The following LRPAP1 variants were observed in gnomAD, a reference collection of about 807,000 sequenced individuals.
The protein encoded by LRPAP1 is LDL receptor related protein associated protein 1.
A neutral mutation model predicts 39.9 loss-of-function variants in LRPAP1; 41 were observed. The observed-to-expected ratio is 1.03, with a 90% CI of 0.80 to 1.33. The LOEUF (loss-of-function observed/expected upper bound fraction) is 1.33, where lower values mean the gene tolerates loss of function less well. Among genes scored for constraint, LRPAP1 ranks in the 40% most tolerant of loss-of-function variants. The pLI is 0.00. For missense variants in LRPAP1, 565 were observed against 482.3 expected, an observed-to-expected ratio of 1.17 and a Z score of -1.61; for synonymous variants, 263 against 212.7, an observed-to-expected ratio of 1.24 and a Z score of -2.06.
rs532354026 is a variant in LRPAP1, at chr4:3,509,202, A to T, written c.*3772T>A. The T allele has an allele frequency of 6.6e-6, 1 of 152,290 alleles. No individual in the cohort carries two copies. Among genetic ancestry groups the T allele is most frequent in the African/African-American group, 2.4e-5 (1 of 41,464 alleles). 9.4% of individuals were successfully genotyped at this position (152,290 alleles called of 1,614,324 possible). A position where few individuals can be genotyped will look rare whatever the true frequency, so the allele number is the denominator to read the frequency against. ...CTCAATACCTGGAGTCATACATGGC[A>T]GTCAACGCATGGACACCGGAGACTG... On this transcript the variant is annotated 3_prime_UTR_variant, in exon 8 of 8. Transcript: ENST00000650182.
intron 4 of LRPAP1, 133 bp downstream of exon 4, chr4:3,518,738 G>A (rs1314326499): frequency 9.8e-6 from 6 of 611,566 alleles, no homozygotes; most frequent in Non-Finnish European, 2.8e-6. Context: ...GTCTGGTGCC[G>A]CCTCCCTGCC....
In LRPAP1 at chr4:3,518,911, G is replaced by T. The variant is rs149133766; in HGVS notation, c.552C>A (p.His184Gln). Reference sequence around the variant, plus strand: ...GGGTCTCCAGCAGGACGTTGTACTCGTGAACTTTCTCTTTGTGATGCAGGA... The same window carrying T: ...GGGTCTCCAGCAGGACGTTGTACTCTTGAACTTTCTCTTTGTGATGCAGGA... Reference protein sequence around the residue: ...REFLHHKEKVHEYNVLLETLS... With the variant: ...REFLHHKEKVQEYNVLLETLS... The change falls in exon 4 of 8, where the codon CAC becomes CAA. Residue 184 changes from histidine (H) to glutamine (Q), a missense_variant. By Grantham distance (24) the His-to-Gln change is conservative (BLOSUM62 0). Coordinates refer to ENST00000650182, the MANE Select transcript of LRPAP1 (RefSeq NM_002337.4). The T allele has an allele frequency of 1.1e-4, 179 of 1,613,652 alleles. No individual in the cohort carries two copies. In the East Asian group the frequency reaches 3.9e-3, roughly 35 times the overall value.
chr4:3,514,389 G>A (rs1223545832), intron 7 of LRPAP1, among the ~76,000 whole-genome samples: 1 of 151,986 alleles, frequency 6.6e-6, no homozygotes, highest in African/African-American at 2.4e-5. Flanking sequence ...CACATCCCAG[G>A]GGCTGTGGGG....
intron 1 of LRPAP1, among the ~76,000 whole-genome samples, chr4:3,525,763 TG>T (rs1380422668): frequency 6.6e-6 from 1 of 151,662 alleles, no homozygotes; most frequent in Non-Finnish European, 1.5e-5. Flanking sequence ...TCTGGGACCC[TG>T]GGTGAGAGAA....
At chr4:3,531,900 G>C in intron 1 of LRPAP1, 1 of 480,146 alleles carries the variant, frequency 2.1e-6, no homozygotes, top group East Asian at 3.9e-5. Flanking sequence ...CTGTGATCTA[G>C]CCTGGTTCTG....
intron 6 of LRPAP1, chr4:3,515,906 C>T: frequency 1.7e-6 from 1 of 597,276 alleles, no homozygotes; most frequent in South Asian, 2.0e-5. Flanking sequence ...CAAAGCCCCT[C>T]CCTCCAGAGC....
intron 1 of LRPAP1, among the ~76,000 whole-genome samples, chr4:3,525,302 G>A (rs928106990): frequency 4.8e-4 from 73 of 152,232 alleles, no homozygotes; most frequent in African/African-American, 1.6e-3. Context: ...CACCAGCAGC[G>A]GCTGCTCATT....
intron 2 of LRPAP1, among the ~76,000 whole-genome samples, chr4:3,521,675 T>C (rs1321796513): frequency 6.6e-6 from 1 of 152,194 alleles, no homozygotes; most frequent in East Asian, 1.9e-4. Context: ...GCGCTTGTGA[T>C]CTTCCTAAGC....
At position 3,511,365 on chromosome 4, in the gene LRPAP1, A is replaced by C. The variant is rs1729505244; in HGVS notation, c.*1609T>G. 6.6e-6 allele frequency: 1 copy of C among 152,192 alleles called. No homozygotes were observed. 9.4% of individuals were successfully genotyped at this position (152,192 alleles called of 1,614,324 possible). Reference sequence around the variant, plus strand: ...AAATCAGAGCACAGGACAGTCATGCAATGGAATACTATACAGCAATGAAAA... The same window carrying C: ...AAATCAGAGCACAGGACAGTCATGCCATGGAATACTATACAGCAATGAAAA... On this transcript the variant is annotated 3_prime_UTR_variant, in exon 8 of 8. Coordinates refer to ENST00000650182, the MANE Select transcript of LRPAP1 (RefSeq NM_002337.4).
chr4:3,529,941 G>C (rs1730199007), intron 1 of LRPAP1, among the ~76,000 whole-genome samples: 1 of 152,224 alleles, frequency 6.6e-6, no homozygotes, highest in Non-Finnish European at 1.5e-5. Flanking sequence ...GCAGGTCGCA[G>C]GAGGCTGAGA....
chr4:3,532,367 G>A lies in LRPAP1; in HGVS notation c.46C>T (p.Leu16=). Residue 16 remains leucine (L), a synonymous_variant, in exon 1 of 8, where the codon CTG becomes TTG. Coordinates refer to ENST00000650182, the MANE Select transcript of LRPAP1 (RefSeq NM_002337.4). ...CCGAGGAAGAGCAGCAGCAGTAGCA[G>A]CGCCGGGAGCCCGCGCAGAAACGAC... ...VRSFLRGLPA[L]LLLLLFLGPW... The A allele has an allele frequency of 1.9e-6, 3 of 1,593,428 alleles. No individual in the cohort carries two copies. The highest frequency in any genetic ancestry group is 2.6e-6 in the Non-Finnish European group (3 of 1,170,504).
intron 4 of LRPAP1, 29 bp from the exon 5 acceptor site, chr4:3,518,221 G>A (rs1436150599): frequency 1.3e-6 from 2 of 1,595,644 alleles, no homozygotes; most frequent in Non-Finnish European, 1.7e-6. Flanking sequence ...GACGCCATGA[G>A]GCTGGGAGTC....
chr4:3,516,159 G>T lies in LRPAP1; in HGVS notation c.791C>A (p.Ala264Glu). 1 of 1,582,522 alleles carries T rather than the reference G, an allele frequency of 6.3e-7. No individual in the cohort carries two copies. Residue 264 changes from alanine to glutamate, a missense_variant, in exon 6 of 8, where the codon GCG becomes GAG. By Grantham distance (107) the Ala-to-Glu change is moderately radical (BLOSUM62 -1). Coordinates refer to ENST00000650182, the MANE Select transcript of LRPAP1 (RefSeq NM_002337.4). Reference sequence around the variant, plus strand: ...CTTGTCCGTGAGGTTGGCGGACTGCGCCAGGTCCCACAGGTCAATCACCCT... The same window carrying T: ...CTTGTCCGTGAGGTTGGCGGACTGCTCCAGGTCCCACAGGTCAATCACCCT... The part of the protein sequence containing the change: ...EPRVIDLWDL[A>E]QSANLTDKEL...
At chr4:3,527,484 C>G (rs1024467697) in intron 1 of LRPAP1, among the ~76,000 whole-genome samples, 2 of 152,228 alleles carry the variant, frequency 1.3e-5, no homozygotes, top group African/African-American at 4.8e-5. Flanking sequence ...CCTGGAGGAA[C>G]AGGTCTGCTT....
At chr4:3,520,291 C>G (rs1337848267) in intron 2 of LRPAP1, 98 bp from the exon 3 acceptor site, 13 of 1,314,218 alleles carry the variant, frequency 9.9e-6, no homozygotes, top group South Asian at 4.0e-5. Context: ...ACAGGTTTGC[C>G]TCTCATTTTC....
intron 1 of LRPAP1, 176 bp downstream of exon 1, chr4:3,532,033 G>A (rs1730783): frequency 0.14 from 96,850 of 691,926 alleles, 8,347 homozygotes; most frequent in East Asian, 0.32. Flanking sequence ...TGCTGCAGAA[G>A]GGGTCGGGGC....
At position 3,507,394 on chromosome 4, in the gene LRPAP1, T is replaced by C. The variant is rs767884255; in HGVS notation, c.*5580A>G. 1.3e-5 allele frequency: 2 copies of C among 152,240 alleles called. No individual in the cohort carries two copies. Among genetic ancestry groups the C allele is most frequent in the Non-Finnish European group, 2.9e-5 (2 of 68,048 alleles). The allele number at this position is 152,240 out of a possible 1,614,324, so 9.4% of individuals were successfully genotyped here. A position where few individuals can be genotyped will look rare whatever the true frequency, so the allele number is the denominator to read the frequency against. ...CGAAAACAAAAGAATCAAATGGATT[T>C]AATTGTCTTTTTGTTACTGATTTCC... On this transcript the variant is annotated 3_prime_UTR_variant, in exon 8 of 8. Coordinates refer to ENST00000650182, the MANE Select transcript of LRPAP1 (RefSeq NM_002337.4).
intron 1 of LRPAP1, among the ~76,000 whole-genome samples, chr4:3,527,590 A>G (rs1479120280): frequency 6.6e-6 from 1 of 152,186 alleles, no homozygotes; most frequent in African/African-American, 2.4e-5. Flanking sequence ...GCCCACAGTG[A>G]TGGTCTGAGC....
In LRPAP1 at chr4:3,512,886, C is replaced by T. The variant is rs55683554; in HGVS notation, c.*88G>A. 2.3e-3 allele frequency: 2,826 copies of T among 1,211,486 alleles called. 40 individuals carry two copies. The African/African-American group carries it at 0.034, about 15-fold the overall frequency. The allele number at this position is 1,211,486 out of a possible 1,614,324, so 75.0% of individuals were successfully genotyped here. ...CCCGTGCCAGCCCCAGCCACCCTGA[C>T]GGCGGGCTGTCCACGGAAATGCCAC... is the stretch of plus-strand genomic sequence containing the variant. On this transcript the variant is annotated 3_prime_UTR_variant, in exon 8 of 8. Transcript: ENST00000650182.
Sources: allele counts gnomAD v4.1 joint callset (sites outside exome capture counted in the v4.1 genomes callset), GRCh38; gene constraint gnomAD v4.1.1; transcripts MANE v1.5; gene names NCBI Gene and HGNC (gene_info 2026-07-23, HGNC 2026-07-21).